XKR6: variants seen among roughly 807,000 people sequenced by gnomAD.
XKR6 encodes the protein XK related 6.
Under a neutral mutation model 56.7 loss-of-function variants are expected in XKR6, and 22 were observed. The observed-to-expected ratio is 0.39, with a 90% CI of 0.28 to 0.55. The LOEUF is 0.55. Ranked by LOEUF, XKR6 falls within the 20% of genes least tolerant of loss-of-function variation. The pLI is 0.66. For synonymous variants in XKR6, 524 were observed against 387.8 expected, an observed-to-expected ratio of 1.35 and a Z score of -4.13; for missense variants, 852 against 889.0, an observed-to-expected ratio of 0.96 and a Z score of 0.53.
At chr8:11,124,018 C>G (rs1027630760) in intron 1 of XKR6, 6 of 456,050 alleles carry the variant, frequency 1.3e-5, no homozygotes, top group Non-Finnish European at 2.6e-5. Context: ...GTCTCTTCAT[C>G]AAATCCCAAG....
At chr8:11,079,259 G>A (rs1194481278) in intron 1 of XKR6, among the ~76,000 whole-genome samples, 1 of 152,230 alleles carries the variant, frequency 6.6e-6, no homozygotes, top group Admixed American at 6.5e-5. Context: ...GTCAGAGGCA[G>A]GGAATGAGAG....
chr8:11,050,036 C>T (rs982540282), intron 1 of XKR6, among the ~76,000 whole-genome samples: 1 of 152,158 alleles, frequency 6.6e-6, no homozygotes, highest in South Asian at 2.1e-4. Context: ...AGGAGCTGCT[C>T]CCTGGCCTTG....
At chr8:11,199,936 T>C (rs1314993961) in intron 1 of XKR6, among the ~76,000 whole-genome samples, 3 of 151,844 alleles carry the variant, frequency 2.0e-5, no homozygotes, top group Admixed American at 2.0e-4. Flanking sequence ...CATTTTTACC[T>C]GTCGCTAAGA....
chr8:11,129,657 T>G (rs1284001905), intron 1 of XKR6, among the ~76,000 whole-genome samples: 1 of 152,214 alleles, frequency 6.6e-6, no homozygotes, highest in Non-Finnish European at 1.5e-5. Context: ...CTTTAAATGT[T>G]ATAAAACCTT....
At chr8:11,192,592 G>A (rs949556656) in intron 1 of XKR6, among the ~76,000 whole-genome samples, 2 of 152,086 alleles carry the variant, frequency 1.3e-5, no homozygotes. Context: ...TCCAGCCTGG[G>A]AAACAGAGTG....
In XKR6 at chr8:10,933,581, G is replaced by T. The variant is rs1453000955; in HGVS notation, c.765-8751C>A. 1.8e-4 allele frequency among the ~76,000 whole-genome samples: 19 copies of T among 104,588 alleles called. No individual in the cohort carries two copies. In the East Asian group the frequency reaches 3.5e-3, roughly 19 times the overall value. The allele number at this position is 104,588 out of a possible 152,430, so 68.6% of individuals were successfully genotyped here. A position where few individuals can be genotyped will look rare whatever the true frequency, so the allele number is the denominator to read the frequency against. ...TCTTGAATTGATTTTTGTATAAGGT[G>T]TAAGGAAGGGATCCAGTTTCAGCTT... On this transcript the variant is annotated intron_variant, in intron 1 of 2. Coordinates refer to ENST00000416569, the MANE Select transcript of XKR6 (RefSeq NM_173683.4).
intron 1 of XKR6, among the ~76,000 whole-genome samples, chr8:11,048,084 G>C (rs10903337): frequency 0.22 from 32,806 of 152,052 alleles, 3,731 homozygotes; most frequent in Middle Eastern, 0.26. Flanking sequence ...CAAGGGGACT[G>C]TCTGTATCCT....
chr8:10,942,328 A>G (rs1307260472), intron 1 of XKR6, among the ~76,000 whole-genome samples: 1 of 152,212 alleles, frequency 6.6e-6, no homozygotes, highest in East Asian at 1.9e-4. Flanking sequence ...ATATCCATAC[A>G]TGCAACACAC....
At chr8:10,933,884 CT>C (rs2129121200) in intron 1 of XKR6, among the ~76,000 whole-genome samples, 1 of 91,214 alleles carries the variant, frequency 1.1e-5, no homozygotes, top group East Asian at 2.1e-4. Flanking sequence ...GATGCGGGCT[CT>C]TTTTTGGTTC....
chr8:10,994,081 C>A (rs1798055714), intron 1 of XKR6, among the ~76,000 whole-genome samples: 2 of 152,202 alleles, frequency 1.3e-5, no homozygotes, highest in Admixed American at 6.5e-5. Flanking sequence ...AAAGTCTTGC[C>A]ACCCCCTGAA....
At position 10,931,122 on chromosome 8, in the gene XKR6, C is replaced by T. The variant is rs77249523; in HGVS notation, c.765-6292G>A. Among the ~76,000 whole-genome samples, 1,491 of 152,118 alleles carry T rather than the reference C, an allele frequency of 9.8e-3. 15 individuals are homozygous for T. Among genetic ancestry groups the T allele is most frequent in the African/African-American group, 0.025 (1,045 of 41,490 alleles). On this transcript the variant is annotated intron_variant, in intron 1 of 2. Transcript: ENST00000416569. ...AGGGTCAGCCTGTAAAAGTCAATTG[C>T]GTTTCTATAAATGATTAATGAATAA...
At chr8:11,062,047 CT>C (rs375047944) in intron 1 of XKR6, among the ~76,000 whole-genome samples, 268 of 152,312 alleles carry the variant, frequency 1.8e-3, no homozygotes, top group African/African-American at 6.4e-3. Flanking sequence ...TCTGAAAGCA[CT>C]GCATTCCATG....
At chr8:11,145,292 C>G (rs1363158426) in intron 1 of XKR6, among the ~76,000 whole-genome samples, 2 of 151,888 alleles carry the variant, frequency 1.3e-5, no homozygotes, top group Non-Finnish European at 2.9e-5. Context: ...CTTCTGGTTC[C>G]AAATGTTTCA....
chr8:11,069,927 G>C (rs1463914029), intron 1 of XKR6, among the ~76,000 whole-genome samples: 1 of 152,218 alleles, frequency 6.6e-6, no homozygotes, highest in Non-Finnish European at 1.5e-5. Flanking sequence ...GGAGGGCCTT[G>C]ATATTGACCC....
At chr8:11,182,450 A>T (rs542457501) in intron 1 of XKR6, among the ~76,000 whole-genome samples, 1 of 152,204 alleles carries the variant, frequency 6.6e-6, no homozygotes, top group African/African-American at 2.4e-5. Flanking sequence ...AAGTGCAAGT[A>T]ATCAGTTTTA....
At chr8:10,943,794 C>T (rs1018398413) in intron 1 of XKR6, among the ~76,000 whole-genome samples, 2 of 152,158 alleles carry the variant, frequency 1.3e-5, no homozygotes, top group African/African-American at 2.4e-5. Flanking sequence ...GCACTATGCT[C>T]TCCTGCTCTC....
intron 1 of XKR6, among the ~76,000 whole-genome samples, chr8:11,002,972 A>AG (rs1225845405): frequency 5.9e-5 from 9 of 152,048 alleles, no homozygotes; most frequent in Non-Finnish European, 7.4e-5. Flanking sequence ...AGCCCAGAGA[A>AG]GGGGGGTCAC....
At position 11,090,460 on chromosome 8, in the gene XKR6, G is replaced by A. The variant is rs144213752; in HGVS notation, c.764+110116C>T. ...TTGCCACTAAAAGCAATGTTGGAAA[G>A]GATAGTCCTGGCAATGACACCAGCA... On this transcript the variant is annotated intron_variant, in intron 1 of 2. Coordinates refer to ENST00000416569, the MANE Select transcript of XKR6 (RefSeq NM_173683.4). Among the ~76,000 whole-genome samples the A allele has an allele frequency of 1.0e-3, 155 of 152,042 alleles. 5 individuals carry two copies. The East Asian group carries it at 0.023, about 23-fold the overall frequency.
intron 1 of XKR6, among the ~76,000 whole-genome samples, chr8:11,063,428 T>G (rs1054178761): frequency 2.3e-4 from 35 of 150,912 alleles, no homozygotes; most frequent in Admixed American, 5.9e-4. Flanking sequence ...CATCCAGGAG[T>G]TGGAGGCTGC....
Sources: gnomAD v4.1 joint callset for allele counts (sites outside exome capture counted in the v4.1 genomes callset) on GRCh38, gnomAD v4.1.1 for gene constraint, MANE v1.5 for transcripts, NCBI Gene and HGNC (gene_info 2026-07-23, HGNC 2026-07-21) for gene names.